Variants in CEP89 observed in about 807,000 individuals in gnomAD.
CEP89 encodes centrosomal protein 89, also known as centrosomal protein of 89 kDa.
A neutral mutation model predicts 97.6 loss-of-function variants in CEP89; 95 were observed. That is an observed-to-expected ratio of 0.97 (90% CI 0.82 to 1.15). The LOEUF (loss-of-function observed/expected upper bound fraction) is 1.15. Among genes scored for constraint, CEP89 ranks in the 50% most tolerant of loss-of-function variants. CEP89 has a pLI of 0.00. For missense variants in CEP89, 869 were observed against 947.7 expected (o/e 0.92, Z 1.09); for synonymous variants, 354 against 349.1 (o/e 1.01, Z -0.16).
chr19:32,939,971 C>T lies in CEP89; in HGVS notation c.596-86G>A. On this transcript the variant is annotated intron_variant, in intron 5 of 18. Transcript: ENST00000305768. ...AGAAAGTACAATCATAGAAATTCAC[C>T]TTCTACAGAGGAGCTCGACAAGGCC... 5.9e-6 allele frequency: 4 copies of T among 682,124 alleles called. No homozygotes were observed. The Admixed American group carries it at 1.1e-4, about 18-fold the overall frequency. 42.3% of individuals were successfully genotyped at this position (682,124 alleles called of 1,614,324 possible).
At chr19:32,892,726 C>A (rs1369699101) in intron 16 of CEP89, among the ~76,000 whole-genome samples, 1 of 147,184 alleles carries the variant, frequency 6.8e-6, no homozygotes, top group Non-Finnish European at 1.5e-5. Flanking sequence ...CTATACCCAG[C>A]AAAGTTATCC....
chr19:32,905,606 T>G (rs1789107204), intron 14 of CEP89, among the ~76,000 whole-genome samples: 1 of 152,190 alleles, frequency 6.6e-6, no homozygotes, highest in Admixed American at 6.5e-5. Context: ...TCATCTAAAT[T>G]TTCAAATGTA....
At chr19:32,931,204 C>T in intron 9 of CEP89, 1 of 470,172 alleles carries the variant, frequency 2.1e-6, no homozygotes, top group Non-Finnish European at 3.7e-6. Context: ...TTACTTTGTA[C>T]ACTTCTGTAT....
At chr19:32,961,944 G>A (rs1350275164) in intron 2 of CEP89, among the ~76,000 whole-genome samples, 1 of 151,706 alleles carries the variant, frequency 6.6e-6, no homozygotes, top group Non-Finnish European at 1.5e-5. Context: ...ACGCCCAGCT[G>A]CTGTTTTGTT....
Position 32,918,217 on chromosome 19 carries a change from A to C in CEP89, c.1384+7T>G. On this transcript the variant is annotated splice_region_variant and intron_variant, in intron 13 of 18. Transcript: ENST00000305768. ...TGCATGACCAGTCCTCACTGGAAGG[A>C]CCTCACCTTCTTGGAGGCGCTCCTG... The C allele has an allele frequency of 6.3e-7, 1 of 1,598,368 alleles. No homozygotes were observed. Among genetic ancestry groups the C allele is most frequent in the Non-Finnish European group, 8.6e-7 (1 of 1,165,734 alleles).
In CEP89 at chr19:32,959,882, C is replaced by G. The variant is rs771842321; in HGVS notation, c.305+18G>C. The G allele has an allele frequency of 3.5e-5, 56 of 1,613,050 alleles. No homozygotes were observed. The African/African-American group carries it at 7.1e-4, about 20-fold the overall frequency. ...CTTCCACTCTCAGAGGAAGCAGAGG[C>G]GGCGATCTGGTACCTACCGAGGCCT... On this transcript the variant is annotated intron_variant, in intron 3 of 18. Coordinates refer to ENST00000305768, the MANE Select transcript of CEP89 (RefSeq NM_032816.5).
Position 32,878,400 on chromosome 19 carries a change from G to C in CEP89, c.*762C>G, listed in dbSNP as rs951121167. On this transcript the variant is annotated 3_prime_UTR_variant, in exon 19 of 19. Coordinates refer to ENST00000305768, the MANE Select transcript of CEP89 (RefSeq NM_032816.5). ...TGTTTTTTTTGACCAAACAAGAAAA[G>C]GCCCCCAGAGCTCACGCACAGCTAT... 5.3e-5 allele frequency: 8 copies of C among 152,342 alleles called. No homozygotes were observed. Among genetic ancestry groups the C allele is most frequent in the Non-Finnish European group, 1.2e-4 (8 of 68,180 alleles). The allele number at this position is 152,342 out of a possible 1,614,324, so 9.4% of individuals were successfully genotyped here.
intron 14 of CEP89, 122 bp downstream of exon 14, chr19:32,915,215 T>C: frequency 1.1e-6 from 1 of 905,392 alleles, no homozygotes; most frequent in Non-Finnish European, 1.6e-6. Context: ...TCCCAAAACT[T>C]TGAGAGGCTG....
At chr19:32,952,376 G>T in intron 4 of CEP89, among the ~76,000 whole-genome samples, 1 of 151,644 alleles carries the variant, frequency 6.6e-6, no homozygotes, top group African/African-American at 2.4e-5. Context: ...AGCTACTCGG[G>T]AGGCTGAGGT....
chr19:32,967,482 G>A (rs958021807), intron 1 of CEP89, among the ~76,000 whole-genome samples: 10 of 150,052 alleles, frequency 6.7e-5, no homozygotes, highest in Non-Finnish European at 1.0e-4. Context: ...GGAATGAGCC[G>A]GGAGAAAGGC....
At chr19:32,919,212 C>T (rs1168116139) in intron 12 of CEP89, among the ~76,000 whole-genome samples, 6 of 152,052 alleles carry the variant, frequency 3.9e-5, no homozygotes, top group Non-Finnish European at 5.9e-5. Flanking sequence ...CTGTATGAAT[C>T]TGCCCCAGCT....
chr19:32,971,507 A>G (rs1971408499), intron 1 of CEP89: 1 of 551,466 alleles, frequency 1.8e-6, no homozygotes. Context: ...ATATTGAACA[A>G]TTAGCCGGGA....
At chr19:32,911,626 T>C (rs1970002858) in intron 14 of CEP89, among the ~76,000 whole-genome samples, 1 of 152,202 alleles carries the variant, frequency 6.6e-6, no homozygotes, top group Non-Finnish European at 1.5e-5. Context: ...CACTTCAGCC[T>C]GGGTGACAGA....
chr19:32,939,906 GAGAT>G (rs753918823), intron 5 of CEP89, 21 bp from the exon 6 acceptor site: 5 of 1,199,088 alleles, frequency 4.2e-6, no homozygotes, highest in Non-Finnish European at 6.0e-6. Context: ...AAAAGAGAGA[GAGAT>G]AAACTTTTAA....
intron 12 of CEP89, among the ~76,000 whole-genome samples, chr19:32,918,879 TTTTTC>T (rs1970187958): frequency 4.7e-5 from 1 of 21,240 alleles, no homozygotes; most frequent in Middle Eastern, 0.013. Context: ...TTTCTTTTTC[TTTTTC>T]TTTTTTTTTT....
intron 16 of CEP89, among the ~76,000 whole-genome samples, chr19:32,888,491 T>A (rs1484027041): frequency 6.6e-6 from 1 of 152,030 alleles, no homozygotes; most frequent in East Asian, 2.0e-4. Flanking sequence ...TTGCTCCAGG[T>A]CACATGGAAA....
At chr19:32,910,355 C>T (rs1969975337) in intron 14 of CEP89, among the ~76,000 whole-genome samples, 1 of 151,790 alleles carries the variant, frequency 6.6e-6, no homozygotes, top group Non-Finnish European at 1.5e-5. Flanking sequence ...GTACAGGGCA[C>T]TTAACCATGA....
Position 32,936,071 on chromosome 19 carries a change from G to T in CEP89, c.667+1560C>A, listed in dbSNP as rs1032339331. Among the ~76,000 whole-genome samples, 1 of 152,146 alleles carries T rather than the reference G, an allele frequency of 6.6e-6. No homozygotes were observed. Among genetic ancestry groups the T allele is most frequent in the Non-Finnish European group, 1.5e-5 (1 of 68,002 alleles). ...CCATGTGTAGGACCTGGGTGTCTCT[G>T]CAGTCTGCACCCTCGGGGGCCTGGG... On this transcript the variant is annotated intron_variant, in intron 7 of 18. Coordinates refer to ENST00000305768, the MANE Select transcript of CEP89 (RefSeq NM_032816.5). The surrounding 1 kb of genome is among the most constrained non-coding windows in gnomAD (Gnocchi z 4.5).
chr19:32,943,692 G>C (rs1970735362), intron 5 of CEP89, among the ~76,000 whole-genome samples: 2 of 152,100 alleles, frequency 1.3e-5, no homozygotes, highest in Admixed American at 1.3e-4. Context: ...ACATTAGGTA[G>C]TGGGGAGGGA....
Sources: gnomAD v4.1 joint callset for allele counts (sites outside exome capture counted in the v4.1 genomes callset) on GRCh38, gnomAD v4.1.1 for gene constraint, Gnocchi (gnomAD v3.1) non-coding constraint, MANE v1.5 for transcripts, NCBI Gene and HGNC (gene_info 2026-07-23, HGNC 2026-07-21) for gene names.